Variants in ABCA5 observed in about 807,000 individuals in gnomAD.
ABCA5 encodes the protein cholesterol transporter ABCA5.
Under a neutral mutation model 206.0 loss-of-function variants are expected in ABCA5, and 163 were observed. The observed-to-expected ratio is 0.79, with a 90% CI of 0.70 to 0.90. The LOEUF is 0.90. Ranked by LOEUF, ABCA5 falls within the 40% of genes least tolerant of loss-of-function variation. The pLI is 0.00. For missense variants in ABCA5, 1,859 were observed against 1,912.9 expected (o/e 0.97, Z 0.53); for synonymous variants, 609 against 613.8 (o/e 0.99, Z 0.11).
Position 69,261,624 on chromosome 17 carries a change from A to C in ABCA5, c.3429+11T>G, listed in dbSNP as rs1426443661. 4.3e-6 allele frequency: 5 copies of C among 1,164,166 alleles called. No individual in the cohort carries two copies. Among genetic ancestry groups the C allele is most frequent in the Non-Finnish European group, 2.4e-6 (2 of 817,170 alleles). The allele number at this position is 1,164,166 out of a possible 1,614,324, so 72.1% of individuals were successfully genotyped here. On this transcript the variant is annotated intron_variant, in intron 25 of 38. Transcript: ENST00000392676. ...CTATGGAAAGTTGAAATAATGTAAAATGTGACTTACCACAGAATAGATAAA... is the reference window on the plus strand; with the variant it reads ...CTATGGAAAGTTGAAATAATGTAAACTGTGACTTACCACAGAATAGATAAA...
At chr17:69,264,973 A>T in intron 23 of ABCA5, 68 bp from the exon 24 acceptor site, 3 of 1,097,646 alleles carry the variant, frequency 2.7e-6, no homozygotes, top group Non-Finnish European at 2.4e-6. Flanking sequence ...AAATTAGTAA[A>T]TTATTGTAGA....
At chr17:69,301,837 T>C (rs1670627148) in intron 8 of ABCA5, among the ~76,000 whole-genome samples, 1 of 152,200 alleles carries the variant, frequency 6.6e-6, no homozygotes, top group Non-Finnish European at 1.5e-5. Context: ...GTGAATACGC[T>C]TTAATTATAC....
rs1447112443 is a variant in ABCA5, at chr17:69,282,331, C to T, written c.2392+1622G>A. On this transcript the variant is annotated intron_variant, in intron 18 of 38. Transcript: ENST00000392676. The stretch of plus-strand genomic sequence containing the variant: ...CCACTGCTCACCCAGGAGGCTTGCC[C>T]CTCAATTCTTATCTACACTCCTTAC... Among the ~76,000 whole-genome samples the T allele has an allele frequency of 2.6e-5, 4 of 152,094 alleles. 1 individual carries two copies. The East Asian group carries it at 7.7e-4, about 29-fold the overall frequency.
In ABCA5 at chr17:69,297,314, G is replaced by A. The variant is rs767496127; in HGVS notation, c.1313C>T (p.Ser438Leu). 1.9e-6 allele frequency: 3 copies of A among 1,609,544 alleles called. No homozygotes were observed. The highest frequency in any genetic ancestry group is 2.5e-6 in the Non-Finnish European group (3 of 1,178,760). The change falls in exon 10 of 39, where the codon TCA (serine) becomes TTA (leucine). Residue 438 changes from serine (S) to leucine (L), a missense_variant. Ser to Leu is a moderately radical substitution (Grantham distance 145, BLOSUM62 -2). Transcript: ENST00000392676. ...RRSSLYFLKP[S>L]YWSKSKRNYE... ...ATTTCTTTTGCTCTTTGACCAATATGAAGGCTTCAGAAAATATAAAGATGA... is the reference window on the plus strand; with the variant it reads ...ATTTCTTTTGCTCTTTGACCAATATAAAGGCTTCAGAAAATATAAAGATGA...
chr17:69,291,123 T>C (rs2075521486), intron 12 of ABCA5, 93 bp downstream of exon 12: 3 of 663,206 alleles, frequency 4.5e-6, no homozygotes, highest in Non-Finnish European at 7.1e-6. Flanking sequence ...CCTTTACAGA[T>C]ACAGAAGTTG....
At chr17:69,251,531 C>T in intron 35 of ABCA5, 2 of 547,460 alleles carry the variant, frequency 3.7e-6, no homozygotes, top group Non-Finnish European at 5.9e-6. Flanking sequence ...AATAATATTC[C>T]AAGTTATTGA....
intron 2 of ABCA5, 96 bp from the exon 3 acceptor site, chr17:69,313,392 G>T: frequency 1.8e-6 from 1 of 558,402 alleles, no homozygotes; most frequent in Non-Finnish European, 2.8e-6. Flanking sequence ...AGAAAAAACA[G>T]GAAATTTGGT....
intron 10 of ABCA5, among the ~76,000 whole-genome samples, chr17:69,295,873 A>G (rs1159375411): frequency 6.6e-6 from 1 of 152,178 alleles, no homozygotes; most frequent in East Asian, 1.9e-4. Flanking sequence ...ATATTTACTG[A>G]AAAAAATCCA....
At chr17:69,305,011 T>G (rs191192628) in intron 6 of ABCA5, among the ~76,000 whole-genome samples, 9 of 152,264 alleles carry the variant, frequency 5.9e-5, no homozygotes. Context: ...TAGGTAAAAG[T>G]GTAATCTGAT....
At chr17:69,308,132 CTT>C (rs34802429) in intron 5 of ABCA5, 146 bp downstream of exon 5, 1 of 256,314 alleles carries the variant, frequency 3.9e-6, no homozygotes, top group Non-Finnish European at 6.0e-6. Flanking sequence ...GAAAATATGA[CTT>C]TTTTATCTTT....
Position 69,247,650 on chromosome 17 carries a change from T to G in ABCA5, c.4822-6A>C. On this transcript the variant is annotated splice_region_variant and splice_polypyrimidine_tract_variant and intron_variant, in intron 38 of 38. Transcript: ENST00000392676. Reference sequence around the variant, plus strand: ...TTAGTGAGTTCTACAAAAACCTAGGTGAAAAGAAATAAATGAATACAGTAT... The same window carrying G: ...TTAGTGAGTTCTACAAAAACCTAGGGGAAAAGAAATAAATGAATACAGTAT... 1.9e-6 allele frequency: 3 copies of G among 1,552,758 alleles called. No individual in the cohort carries two copies. The highest frequency in any genetic ancestry group is 2.6e-6 in the Non-Finnish European group (3 of 1,132,888).
intron 34 of ABCA5, 138 bp downstream of exon 34, chr17:69,253,431 CTATT>C: frequency 2.0e-6 from 1 of 491,394 alleles, no homozygotes; most frequent in Non-Finnish European, 3.5e-6. Context: ...ATCTCTAAAT[CTATT>C]TAATTTTTAA....
At chr17:69,316,086 A>G (rs894952567) in intron 1 of ABCA5, among the ~76,000 whole-genome samples, 1 of 152,218 alleles carries the variant, frequency 6.6e-6, no homozygotes, top group Non-Finnish European at 1.5e-5. Context: ...GCTCAAAATC[A>G]GAATGAACAC....
intron 3 of ABCA5, among the ~76,000 whole-genome samples, chr17:69,312,425 AAC>A (rs556167281): frequency 1.3e-5 from 2 of 152,164 alleles, no homozygotes; most frequent in Non-Finnish European, 2.9e-5. Context: ...AAATAAATAA[AAC>A]AGAGTTAGGG....
chr17:69,257,210 A>C (rs555683157), intron 28 of ABCA5, among the ~76,000 whole-genome samples: 1 of 152,218 alleles, frequency 6.6e-6, no homozygotes, highest in Admixed American at 6.5e-5. Flanking sequence ...ACTAAAAAAT[A>C]AAATACAAAA....
rs757303706 is a variant in ABCA5 at position 69,304,769 on chromosome 17, A to T, written c.830T>A (p.Met277Lys). The change falls in exon 7 of 39, where the codon ATG becomes AAG. Residue 277 changes from methionine to lysine, a missense_variant. Transcript: ENST00000392676. ...VLLYTSLIFL[M>K]SLLMAVIATA... Reference sequence around the variant, plus strand: ...CGCAATGACTGCCATAAGAAGGGACATAAGAAAAATTAAACTTGTATATAG... The same window carrying T: ...CGCAATGACTGCCATAAGAAGGGACTTAAGAAAAATTAAACTTGTATATAG... 8.1e-6 allele frequency: 13 copies of T among 1,607,998 alleles called. No individual in the cohort carries two copies. The highest frequency in any genetic ancestry group is 1.1e-5 in the Non-Finnish European group (13 of 1,177,002).
intron 2 of ABCA5, 139 bp downstream of exon 2, chr17:69,314,175 G>GGCAA: frequency 2.5e-6 from 1 of 400,214 alleles, no homozygotes; most frequent in Non-Finnish European, 4.3e-6. Context: ...TGGCTAACAT[G>GGCAA]GCAAGCTTTT....
At chr17:69,276,598 GAAC>G (rs918083858) in intron 19 of ABCA5, among the ~76,000 whole-genome samples, 4 of 152,122 alleles carry the variant, frequency 2.6e-5, no homozygotes, top group Non-Finnish European at 5.9e-5. Context: ...AGTGGGAGCT[GAAC>G]AACGAGAACA....
chr17:69,315,517 G>C (rs900731517), intron 1 of ABCA5: 10 of 152,408 alleles, frequency 6.6e-5, no homozygotes, highest in African/African-American at 2.4e-4. Context: ...GGGTGCGGTG[G>C]CTCACGCCTG....
Sources: allele counts gnomAD v4.1 joint callset (sites outside exome capture counted in the v4.1 genomes callset), GRCh38; gene constraint gnomAD v4.1.1; transcripts MANE v1.5; gene names NCBI Gene and HGNC (gene_info 2026-07-23, HGNC 2026-07-21).